The following CSMD1 variants were observed in gnomAD, a reference collection of about 807,000 sequenced individuals.
CSMD1 encodes the protein CUB and Sushi multiple domains 1.
Under a neutral mutation model 417.5 loss-of-function variants are expected in CSMD1, and 213 were observed. The ratio of observed to expected loss-of-function variants is 0.51; its 90% CI spans 0.46 to 0.57. The LOEUF (loss-of-function observed/expected upper bound fraction) is 0.57. Among genes scored for constraint, CSMD1 ranks in the 20% least tolerant of loss-of-function variants. The probability of loss-of-function intolerance (pLI) is 0.00; values close to 1 mark genes in which losing one functional copy is unlikely to be tolerated. For synonymous variants in CSMD1, 2,862 were observed against 1,736.8 expected (o/e 1.65, Z -16.11); for missense variants, 6,923 against 4,529.7 (o/e 1.53, Z -15.17).
intron 5 of CSMD1, among the ~76,000 whole-genome samples, chr8:3,870,358 G>T (rs1430109969): frequency 6.6e-6 from 1 of 152,178 alleles, no homozygotes; most frequent in East Asian, 1.9e-4. Context: ...TATGTAAAAA[G>T]ACCAGTGCCT....
At chr8:4,073,104 G>T (rs1412681910) in intron 3 of CSMD1, among the ~76,000 whole-genome samples, 1 of 152,026 alleles carries the variant, frequency 6.6e-6, no homozygotes, top group Non-Finnish European at 1.5e-5. Flanking sequence ...CTTATTTCCT[G>T]TTACCATCAT....
In CSMD1 at chr8:3,114,143, C is replaced by T. The variant is rs374525236; in HGVS notation, c.6431-3808G>A. Reference sequence around the variant, plus strand: ...CCTGTGGTCCTAGCCACTTGGGAGGCTGAAGTAGGAGGATTGCTTGAGCCT... The same window carrying T: ...CCTGTGGTCCTAGCCACTTGGGAGGTTGAAGTAGGAGGATTGCTTGAGCCT... On this transcript the variant is annotated intron_variant, in intron 42 of 69. Transcript: ENST00000635120. Among the ~76,000 whole-genome samples, 11 of 152,214 alleles carry T rather than the reference C, an allele frequency of 7.2e-5. No individual in the cohort carries two copies. In the East Asian group the frequency reaches 1.9e-3, roughly 27 times the overall value.
At chr8:3,561,660 C>T (rs1327182081) in intron 10 of CSMD1, among the ~76,000 whole-genome samples, 1 of 152,148 alleles carries the variant, frequency 6.6e-6, no homozygotes, top group Non-Finnish European at 1.5e-5. Context: ...TTAAGAATTG[C>T]ACATTGGGTA....
At chr8:4,096,509 T>C (rs1801019018) in intron 3 of CSMD1, among the ~76,000 whole-genome samples, 1 of 152,176 alleles carries the variant, frequency 6.6e-6, no homozygotes, top group African/African-American at 2.4e-5. Context: ...AGACAGCCAA[T>C]GACTACTTAG....
At chr8:4,543,089 A>AG (rs1317892233) in intron 2 of CSMD1, among the ~76,000 whole-genome samples, 4 of 152,196 alleles carry the variant, frequency 2.6e-5, no homozygotes, top group Non-Finnish European at 5.9e-5. Context: ...AGTTTTCCCT[A>AG]TTATCAACAT....
intron 49 of CSMD1, among the ~76,000 whole-genome samples, chr8:3,070,211 T>C (rs977398541): frequency 6.6e-6 from 1 of 152,230 alleles, no homozygotes; most frequent in Non-Finnish European, 1.5e-5. Flanking sequence ...CTTTTCCCCA[T>C]TGTTTTGGAA....
intron 1 of CSMD1, among the ~76,000 whole-genome samples, chr8:4,881,253 G>A (rs1415961537): frequency 6.6e-6 from 1 of 152,016 alleles, no homozygotes; most frequent in Non-Finnish European, 1.5e-5. Context: ...ATCAATATGT[G>A]GTCTCTCTGT....
At chr8:3,598,834 G>C (rs552415823) in intron 8 of CSMD1, among the ~76,000 whole-genome samples, 1 of 152,106 alleles carries the variant, frequency 6.6e-6, no homozygotes, top group Non-Finnish European at 1.5e-5. Context: ...TGAAATCCCA[G>C]CACTTTGGGA....
At chr8:3,433,811 T>C (rs1814380030) in intron 12 of CSMD1, among the ~76,000 whole-genome samples, 2 of 152,210 alleles carry the variant, frequency 1.3e-5, no homozygotes, top group South Asian at 4.1e-4. Context: ...GTTCTAGGAC[T>C]GAAAAACGGG....
chr8:3,929,566 G>T (rs1354777452), intron 5 of CSMD1, among the ~76,000 whole-genome samples: 1 of 150,512 alleles, frequency 6.6e-6, no homozygotes, highest in African/African-American at 2.5e-5. Flanking sequence ...CTGATGGAAT[G>T]ATTTCATGTT....
intron 3 of CSMD1, among the ~76,000 whole-genome samples, chr8:4,129,669 G>A (rs185325550): frequency 6.6e-5 from 10 of 151,992 alleles, no homozygotes; most frequent in Non-Finnish European, 1.5e-4. Context: ...CCAATGTTCT[G>A]AAATCACCTA....
intron 3 of CSMD1, among the ~76,000 whole-genome samples, chr8:4,082,868 G>C (rs1266817102): frequency 6.8e-6 from 1 of 147,954 alleles, no homozygotes; most frequent in African/African-American, 2.5e-5. Flanking sequence ...TGCGGTGTTT[G>C]GTTTTTTGTC....
chr8:3,180,680 G>A (rs747420), intron 37 of CSMD1, among the ~76,000 whole-genome samples: 1 of 151,950 alleles, frequency 6.6e-6, no homozygotes, highest in East Asian at 1.9e-4. Context: ...CTGTCACCCG[G>A]GCTGGTGTGC....
At chr8:3,773,505 T>C (rs188137489) in intron 5 of CSMD1, among the ~76,000 whole-genome samples, 18 of 152,252 alleles carry the variant, frequency 1.2e-4, no homozygotes, top group African/African-American at 4.1e-4. Context: ...CAGGCTGGTC[T>C]TGAACTCCTG....
chr8:4,761,517 T>A (rs923445682), intron 1 of CSMD1, among the ~76,000 whole-genome samples: 4 of 152,130 alleles, frequency 2.6e-5, no homozygotes, highest in Non-Finnish European at 5.9e-5. Context: ...AGTTTCATCA[T>A]AAATTGTATA....
At position 3,395,561 on chromosome 8, in the gene CSMD1, G is replaced by C. The variant is rs28454321; in HGVS notation, c.2593+633C>G. 8.0e-3 allele frequency among the ~76,000 whole-genome samples: 1,223 copies of C among 152,288 alleles called. 13 individuals carry two copies. Among genetic ancestry groups the C allele is most frequent in the African/African-American group, 0.028 (1,155 of 41,570 alleles). ...CAAGGGCAGGAAAACTTTCCATGTG[G>C]AAGTTTGGACTGTTTGCAAAATACA... On this transcript the variant is annotated intron_variant, in intron 17 of 69. Transcript: ENST00000635120.
At position 4,202,238 on chromosome 8, in the gene CSMD1, T is replaced by C. The variant is rs573882687; in HGVS notation, c.416-170139A>G. 2.0e-5 allele frequency among the ~76,000 whole-genome samples: 3 copies of C among 152,342 alleles called. No homozygotes were observed. The South Asian group carries it at 6.2e-4, about 32-fold the overall frequency. ...TGTGACTATTTGATGAATTATGCCT[T>C]ATCTTCACAATTCAGTTAAGATTTT... On this transcript the variant is annotated intron_variant, in intron 3 of 69. Coordinates refer to ENST00000635120, the MANE Select transcript of CSMD1 (RefSeq NM_033225.6).
chr8:3,720,679 C>T (rs941777074), intron 6 of CSMD1, among the ~76,000 whole-genome samples: 2 of 149,732 alleles, frequency 1.3e-5, no homozygotes, highest in Non-Finnish European at 3.0e-5. Flanking sequence ...CCTTCATGAC[C>T]CATGGGAAGC....
chr8:3,220,077 T>C (rs1798112304), intron 28 of CSMD1, among the ~76,000 whole-genome samples: 2 of 144,814 alleles, frequency 1.4e-5, no homozygotes, highest in African/African-American at 5.1e-5. Flanking sequence ...GCCAGGAGTC[T>C]GAGGCTGCAA....
Sources: gnomAD v4.1 joint callset for allele counts (sites outside exome capture counted in the v4.1 genomes callset) on GRCh38, gnomAD v4.1.1 for gene constraint, MANE v1.5 for transcripts, NCBI Gene and HGNC (gene_info 2026-07-23, HGNC 2026-07-21) for gene names.